The following KCNB2 variants were observed in gnomAD, a reference collection of about 807,000 sequenced individuals.
KCNB2 encodes the protein delayed rectifier potassium channel protein.
A neutral mutation model predicts 61.5 loss-of-function variants in KCNB2; 15 were observed. That is an observed-to-expected ratio of 0.24 (90% CI 0.16 to 0.38). The LOEUF (loss-of-function observed/expected upper bound fraction) is 0.38. Ranked by LOEUF, KCNB2 falls within the 10% of genes least tolerant of loss-of-function variation. KCNB2 has a pLI of 1.00. For missense variants in KCNB2, 828 were observed against 1,125.2 expected, an observed-to-expected ratio of 0.74 and a Z score of 3.78; for synonymous variants, 457 against 446.0, an observed-to-expected ratio of 1.02 and a Z score of -0.31.
intron 2 of KCNB2, chr8:72,661,548 C>T (rs557443736): frequency 3.2e-4 from 49 of 152,314 alleles, no homozygotes; most frequent in African/African-American, 1.1e-3. Flanking sequence ...CTTTAGGATA[C>T]TCTGCCATTT....
intron 1 of KCNB2, among the ~76,000 whole-genome samples, chr8:72,554,852 C>T (rs1806398731): frequency 6.6e-6 from 1 of 152,074 alleles, no homozygotes. Context: ...TCTACCATCT[C>T]TATCCATAAG....
At chr8:72,559,656 A>G (rs1806482351) in intron 1 of KCNB2, among the ~76,000 whole-genome samples, 1 of 152,240 alleles carries the variant, frequency 6.6e-6, no homozygotes, top group South Asian at 2.1e-4. Context: ...CAAGAACACA[A>G]TTAATTTGCC....
chr8:72,598,907 T>A (rs1033150417), intron 2 of KCNB2, among the ~76,000 whole-genome samples: 1 of 152,116 alleles, frequency 6.6e-6, no homozygotes, highest in Non-Finnish European at 1.5e-5. Flanking sequence ...GAAAGACCTC[T>A]TCAAGGAGAA....
At chr8:72,888,293 T>A (rs982817417) in intron 2 of KCNB2, among the ~76,000 whole-genome samples, 13 of 152,014 alleles carry the variant, frequency 8.6e-5, no homozygotes, top group Admixed American at 6.6e-5. Flanking sequence ...TTTCTTTTTA[T>A]AGAGACAGGG....
chr8:72,841,117 C>A (rs180987836), intron 2 of KCNB2, among the ~76,000 whole-genome samples: 336 of 152,238 alleles, frequency 2.2e-3, no homozygotes, highest in African/African-American at 7.8e-3. Flanking sequence ...CTGTTTTCTG[C>A]ATATGGCTGG....
intron 2 of KCNB2, among the ~76,000 whole-genome samples, chr8:72,675,614 C>T (rs1366774199): frequency 6.6e-6 from 1 of 151,720 alleles, no homozygotes. Flanking sequence ...CTGGGTTCAG[C>T]GTGATCTCGG....
chr8:72,898,296 G>T (rs1806024628), intron 2 of KCNB2, among the ~76,000 whole-genome samples: 1 of 151,568 alleles, frequency 6.6e-6, no homozygotes, highest in Non-Finnish European at 1.5e-5. Context: ...CTTTTGTGGG[G>T]TAGGGGAAGG....
intron 2 of KCNB2, among the ~76,000 whole-genome samples, chr8:72,853,873 G>C (rs962438168): frequency 2.0e-5 from 3 of 152,076 alleles, no homozygotes. Context: ...TCCAAATTCT[G>C]CTTATGTTAA....
chr8:72,731,764 T>A (rs1025983729), intron 2 of KCNB2, among the ~76,000 whole-genome samples: 1 of 152,212 alleles, frequency 6.6e-6, no homozygotes, highest in Non-Finnish European at 1.5e-5. Context: ...TCAATATATG[T>A]CACAGAACTT....
rs758588308 is a variant in KCNB2, at chr8:72,937,827, G to A, written c.2472G>A (p.Glu824=). 1.5e-5 allele frequency: 25 copies of A among 1,614,042 alleles called. No homozygotes were observed. The highest frequency in any genetic ancestry group is 3.3e-4 in the Middle Eastern group (2 of 6,084). ...TAGAGCTCCCAGGGGCAAGGGAGGA[G>A]AAGCAGGTGGACTCCAGCCCAAATT... The part of the protein sequence containing the change: ...DFLELPGARE[E]KQVDSSPNCF... The change falls in exon 3 of 3, where the codon GAG becomes GAA. Residue 824 remains glutamate, a synonymous_variant. Coordinates refer to ENST00000523207, the MANE Select transcript of KCNB2 (RefSeq NM_004770.3).
At chr8:72,845,356 T>C (rs1397153401) in intron 2 of KCNB2, among the ~76,000 whole-genome samples, 3 of 152,168 alleles carry the variant, frequency 2.0e-5, no homozygotes, top group Non-Finnish European at 4.4e-5. Flanking sequence ...GGAGCTCTTT[T>C]GTATGAGATG....
chr8:72,888,013 C>T (rs1805834289), intron 2 of KCNB2, among the ~76,000 whole-genome samples: 2 of 152,340 alleles, frequency 1.3e-5, no homozygotes, highest in South Asian at 4.1e-4. Flanking sequence ...ATTTTAAGCT[C>T]CTTAGGCAAG....
chr8:72,802,034 G>A (rs919343932), intron 2 of KCNB2, among the ~76,000 whole-genome samples: 1 of 152,088 alleles, frequency 6.6e-6, no homozygotes, highest in African/African-American at 2.4e-5. Context: ...CTGTTAGCCT[G>A]CCCAGATCTC....
chr8:72,724,751 A>C (rs1437699943), intron 2 of KCNB2, among the ~76,000 whole-genome samples: 1 of 152,182 alleles, frequency 6.6e-6, no homozygotes, highest in Non-Finnish European at 1.5e-5. Flanking sequence ...AATTCTGGTA[A>C]TTCTACCAGA....
chr8:72,691,218 C>T (rs1585832745), intron 2 of KCNB2, among the ~76,000 whole-genome samples: 2 of 152,280 alleles, frequency 1.3e-5, no homozygotes, highest in East Asian at 3.9e-4. Context: ...ATCACTGTAC[C>T]TCCCTGAGTA....
chr8:72,793,719 G>A (rs140184330), intron 2 of KCNB2, among the ~76,000 whole-genome samples: 1 of 152,134 alleles, frequency 6.6e-6, no homozygotes, highest in Non-Finnish European at 1.5e-5. Context: ...TAAAAGTTCT[G>A]TTAACAGTTG....
intron 2 of KCNB2, chr8:72,660,881 T>C (rs1806369699): frequency 1.3e-5 from 2 of 152,138 alleles, no homozygotes; most frequent in South Asian, 4.1e-4. Context: ...TCTCCTGGAG[T>C]TTTTGCATCT....
intron 2 of KCNB2, among the ~76,000 whole-genome samples, chr8:72,626,225 GGGCCACAGAATGCCCAGAATACACA>G: frequency 6.6e-6 from 1 of 152,206 alleles, no homozygotes; most frequent in South Asian, 2.1e-4. Context: ...CCAGGTACAC[GGGCCACAGAATGCCCAGAATACACA>G]GGCCACAGTC....
At chr8:72,800,380 C>G (rs1201485538) in intron 2 of KCNB2, among the ~76,000 whole-genome samples, 1 of 152,162 alleles carries the variant, frequency 6.6e-6, no homozygotes, top group East Asian at 1.9e-4. Context: ...TTACAGCGTT[C>G]AACACCTGAC....
Sources: gnomAD v4.1 joint callset for allele counts (sites outside exome capture counted in the v4.1 genomes callset) on GRCh38, gnomAD v4.1.1 for gene constraint, MANE v1.5 for transcripts, NCBI Gene and HGNC (gene_info 2026-07-23, HGNC 2026-07-21) for gene names.